Variants in STK24 observed in about 807,000 individuals in gnomAD.
STK24 encodes serine/threonine-protein kinase 24.
Under a neutral mutation model 55.6 loss-of-function variants are expected in STK24, and 21 were observed. The ratio of observed to expected loss-of-function variants is 0.38; its 90% CI spans 0.27 to 0.54. The LOEUF is 0.54. Ranked by LOEUF, STK24 falls within the 20% of genes least tolerant of loss-of-function variation. STK24 has a pLI of 0.79. For missense variants in STK24, 383 were observed against 538.4 expected (o/e 0.71, Z 2.86); for synonymous variants, 200 against 215.2 (o/e 0.93, Z 0.62).
chr13:98,564,222 C>T (rs558119197), intron 1 of STK24, among the ~76,000 whole-genome samples: 2 of 152,278 alleles, frequency 1.3e-5, no homozygotes, highest in African/African-American at 2.4e-5. Flanking sequence ...CAACAGCTAC[C>T]GAGAAAAGAA....
chr13:98,475,028 G>A (rs750914616), intron 4 of STK24, 50 bp from the exon 5 acceptor site: 8 of 1,554,582 alleles, frequency 5.1e-6, no homozygotes, highest in East Asian at 4.5e-5. Flanking sequence ...TTACAACTCC[G>A]TGCACTGCCA....
At chr13:98,502,448 T>A (rs1400319190) in intron 2 of STK24, among the ~76,000 whole-genome samples, 1 of 152,162 alleles carries the variant, frequency 6.6e-6, no homozygotes, top group Admixed American at 6.5e-5. Flanking sequence ...AATGCTACGA[T>A]TTGAATGTGT....
intron 2 of STK24, among the ~76,000 whole-genome samples, chr13:98,488,976 G>A (rs1894914036): frequency 6.6e-6 from 1 of 152,218 alleles, no homozygotes; most frequent in Non-Finnish European, 1.5e-5. Flanking sequence ...CAATGCAGCG[G>A]GCTTTATTAA....
chr13:98,554,232 CAACA>C (rs546552973), intron 1 of STK24, among the ~76,000 whole-genome samples: 45 of 152,136 alleles, frequency 3.0e-4, no homozygotes, highest in African/African-American at 1.0e-3. Context: ...GAAAAAATAA[CAACA>C]AACGTCCTCA....
intron 9 of STK24, among the ~76,000 whole-genome samples, chr13:98,457,887 T>C (rs553694358): frequency 6.6e-6 from 1 of 152,376 alleles, no homozygotes; most frequent in Non-Finnish European, 1.5e-5. Flanking sequence ...ACTAGCTCTC[T>C]GTGTGCCTTT....
intron 2 of STK24, chr13:98,508,862 T>C (rs1490393785): frequency 1.3e-5 from 2 of 152,050 alleles, no homozygotes; most frequent in African/African-American, 4.8e-5. Context: ...AGTCCATTCT[T>C]CAGCTTTGCC....
At chr13:98,517,950 C>G (rs1195832312) in intron 2 of STK24, among the ~76,000 whole-genome samples, 1 of 152,172 alleles carries the variant, frequency 6.6e-6, no homozygotes, top group East Asian at 1.9e-4. Context: ...ATACTTAATT[C>G]CATTTAATCT....
chr13:98,487,166 G>C (rs917491506), intron 2 of STK24, among the ~76,000 whole-genome samples: 1 of 152,176 alleles, frequency 6.6e-6, no homozygotes, highest in African/African-American at 2.4e-5. Flanking sequence ...CGTCTGAGTG[G>C]CAGCCTGTTC....
intron 10 of STK24, chr13:98,456,473 G>A: frequency 2.0e-6 from 1 of 509,858 alleles, no homozygotes; most frequent in Non-Finnish European, 4.0e-6. Context: ...GTCACACAGA[G>A]CGGCTTCCCA....
chr13:98,453,741 C>A, intron 10 of STK24: 1 of 152,850 alleles, frequency 6.5e-6, no homozygotes, highest in Non-Finnish European at 1.5e-5. Flanking sequence ...CTCTGATGCC[C>A]AACAGTACAG....
intron 2 of STK24, among the ~76,000 whole-genome samples, chr13:98,492,350 G>A (rs961562519): frequency 2.4e-4 from 36 of 152,324 alleles, no homozygotes; most frequent in African/African-American, 8.4e-4. Flanking sequence ...CCCTTTCTGC[G>A]ATAGGAAGCT....
intron 1 of STK24, among the ~76,000 whole-genome samples, chr13:98,534,661 T>C (rs1896663795): frequency 6.6e-6 from 1 of 152,214 alleles, no homozygotes; most frequent in Non-Finnish European, 1.5e-5. Flanking sequence ...AGTGTTCTGA[T>C]GCACCAGCTA....
chr13:98,539,344 C>T (rs1354075481), intron 1 of STK24, among the ~76,000 whole-genome samples: 4 of 152,130 alleles, frequency 2.6e-5, no homozygotes, highest in Admixed American at 1.3e-4. Flanking sequence ...CATAATCTGT[C>T]GTCCCCTTCC....
intron 2 of STK24, chr13:98,505,180 A>T (rs1895640052): frequency 6.6e-6 from 1 of 152,234 alleles, no homozygotes; most frequent in South Asian, 2.1e-4. Context: ...GGAAACACAG[A>T]TCCACCAAGG....
chr13:98,535,396 T>TAC (rs1566392211), intron 1 of STK24, among the ~76,000 whole-genome samples: 6 of 60,090 alleles, frequency 1.0e-4, no homozygotes, highest in African/African-American at 5.0e-4. Context: ...TATATGTGTG[T>TAC]ATACACACAC....
rs1303085570 is a variant in STK24 at position 98,447,850 on chromosome 13, AAAAAG to A, written c.*5318_*5322del. On this transcript the variant is annotated 3_prime_UTR_variant, in exon 11 of 11. Transcript: ENST00000539966. ...ACAGAGCCAGACCCTGTCTCAAAAA[AAAAAG>A]AAAAAGAAAAAAGGAAGGGAGAGCT... 4.3e-5 allele frequency: 9 copies of A among 208,090 alleles called. No homozygotes were observed. The highest frequency in any genetic ancestry group is 1.2e-4 in the African/African-American group (5 of 42,446). The allele number at this position is 208,090 out of a possible 1,614,324, so 12.9% of individuals were successfully genotyped here. A position where few individuals can be genotyped will look rare whatever the true frequency, so the allele number is the denominator to read the frequency against.
chr13:98,459,219 G>A (rs1893597730), intron 9 of STK24, among the ~76,000 whole-genome samples: 2 of 152,212 alleles, frequency 1.3e-5, no homozygotes, highest in Admixed American at 6.5e-5. Context: ...GCAGGATGGC[G>A]CTCAACCCGG....
chr13:98,548,861 CAAAAAAA>C (rs55793722), intron 1 of STK24, among the ~76,000 whole-genome samples: 14 of 37,800 alleles, frequency 3.7e-4, no homozygotes, highest in East Asian at 8.7e-4. Flanking sequence ...GACTCTGTCT[CAAAAAAA>C]AAAAAAAAAA....
Position 98,447,907 on chromosome 13 carries a change from C to CT in STK24, c.*5265_*5266insA, listed in dbSNP as rs1487667599. 32 of 361,848 alleles carry CT rather than the reference C, an allele frequency of 8.8e-5. No individual in the cohort carries two copies. The highest frequency in any genetic ancestry group is 1.5e-4 in the Non-Finnish European group (30 of 196,864). The allele number at this position is 361,848 out of a possible 1,614,324, so 22.4% of individuals were successfully genotyped here. Reference sequence around the variant, plus strand: ...CCACTAAGCAGGATGGGACACGTCCCGCCATTCTCTGCCATGTCCATGAAA... The same window carrying CT: ...CCACTAAGCAGGATGGGACACGTCCCTGCCATTCTCTGCCATGTCCATGAAA... On this transcript the variant is annotated 3_prime_UTR_variant, in exon 11 of 11. Coordinates refer to ENST00000539966, the MANE Select transcript of STK24 (RefSeq NM_001032296.4).
Sources: gnomAD v4.1 joint callset for allele counts (sites outside exome capture counted in the v4.1 genomes callset) on GRCh38, gnomAD v4.1.1 for gene constraint, MANE v1.5 for transcripts, NCBI Gene and HGNC (gene_info 2026-07-23, HGNC 2026-07-21) for gene names.